The following SHANK2 variants were observed in gnomAD, a reference collection of about 807,000 sequenced individuals.
The protein encoded by SHANK2 is SH3 and multiple ankyrin repeat domains 2.
In SHANK2, 43 loss-of-function variants were observed where a neutral mutation model predicts 133.7. The observed-to-expected ratio is 0.32, with a 90% CI of 0.25 to 0.41. The LOEUF (loss-of-function observed/expected upper bound fraction) is 0.41, where lower values mean the gene tolerates loss of function less well. SHANK2 is among the 10% of genes least tolerant of loss of function. The probability of loss-of-function intolerance (pLI) is 1.00; values close to 1 mark genes in which losing one functional copy is unlikely to be tolerated. For missense variants in SHANK2, 1,994 were observed against 2,235.8 expected (o/e 0.89, Z 2.18); for synonymous variants, 1,017 against 952.8 (o/e 1.07, Z -1.24).
intron 14 of SHANK2, among the ~76,000 whole-genome samples, chr11:70,764,149 TC>T (rs1384210135): frequency 8.9e-6 from 1 of 112,404 alleles, no homozygotes; most frequent in Non-Finnish European, 1.7e-5. Flanking sequence ...ATCTCTTCCT[TC>T]CCCTCTCTCT....
In SHANK2 at chr11:70,876,289, C is replaced by T. The variant is rs546851208; in HGVS notation, c.1174+20212G>A. ...ACACACACACACACTTGGCTGGGTG[C>T]GGTGGCTCACGCCTGTAATCCCAGC... On this transcript the variant is annotated intron_variant, in intron 11 of 25. Coordinates refer to ENST00000601538, the MANE Select transcript of SHANK2 (RefSeq NM_012309.5). 1.3e-3 allele frequency among the ~76,000 whole-genome samples: 153 copies of T among 116,344 alleles called. 1 individual carries two copies. Among genetic ancestry groups the T allele is most frequent in the Admixed American group, 8.1e-3 (86 of 10,620 alleles). The allele number at this position is 116,344 out of a possible 152,430, so 76.3% of individuals were successfully genotyped here.
At chr11:71,223,579 G>A (rs1555121683) in intron 2 of SHANK2, among the ~76,000 whole-genome samples, 2 of 152,178 alleles carry the variant, frequency 1.3e-5, no homozygotes, top group Admixed American at 1.3e-4. Flanking sequence ...TGAAAATACT[G>A]CACCATATTA....
At chr11:70,810,457 A>G (rs1351673494) in intron 12 of SHANK2, among the ~76,000 whole-genome samples, 1 of 152,174 alleles carries the variant, frequency 6.6e-6, no homozygotes, top group African/African-American at 2.4e-5. Flanking sequence ...CGGGGAGGAG[A>G]ATCCCGGCAA....
chr11:70,482,892 T>TG (rs1211074310), intron 25 of SHANK2, among the ~76,000 whole-genome samples: 10 of 152,140 alleles, frequency 6.6e-5, no homozygotes, highest in African/African-American at 2.4e-4. Flanking sequence ...CGCTGCAAGT[T>TG]GGGGTCCCAC....
intron 11 of SHANK2, among the ~76,000 whole-genome samples, chr11:70,893,393 G>T (rs984723982): frequency 6.6e-6 from 1 of 152,226 alleles, no homozygotes; most frequent in Non-Finnish European, 1.5e-5. Context: ...GACCACAGGG[G>T]AGGGGGAGAA....
chr11:71,216,490 G>C (rs1954417101), intron 2 of SHANK2, among the ~76,000 whole-genome samples: 1 of 152,130 alleles, frequency 6.6e-6, no homozygotes, highest in Admixed American at 6.6e-5. Context: ...CAGGAGGAGG[G>C]AGTGACTTCT....
At chr11:70,571,462 ACTTTTT>A (rs1554983060) in intron 17 of SHANK2, 2 of 152,210 alleles carry the variant, frequency 1.3e-5, no homozygotes, top group East Asian at 3.9e-4. Flanking sequence ...CCATCGTGCT[ACTTTTT>A]CTTTGAAATA....
intron 10 of SHANK2, among the ~76,000 whole-genome samples, chr11:70,934,812 G>C (rs114093433): frequency 5.3e-5 from 8 of 152,300 alleles, no homozygotes; most frequent in African/African-American, 1.9e-4. Flanking sequence ...CAGTGTGGCC[G>C]TTCAAAGAGG....
intron 14 of SHANK2, among the ~76,000 whole-genome samples, chr11:70,796,191 G>A (rs1947907708): frequency 6.6e-6 from 1 of 152,164 alleles, no homozygotes; most frequent in Non-Finnish European, 1.5e-5. Context: ...CTCATCTAGG[G>A]CACACAGGGT....
At chr11:70,940,100 C>T (rs562839374) in intron 10 of SHANK2, among the ~76,000 whole-genome samples, 1 of 147,712 alleles carries the variant, frequency 6.8e-6, no homozygotes. Flanking sequence ...AGGAAGGCAG[C>T]CCCACCCACA....
At chr11:71,087,265 TCCATCCCAGGG>T (rs1366466009) in intron 8 of SHANK2, among the ~76,000 whole-genome samples, 1 of 152,030 alleles carries the variant, frequency 6.6e-6, no homozygotes, top group African/African-American at 2.4e-5. Flanking sequence ...CACCGTTACC[TCCATCCCAGGG>T]CCAGCTGGAG....
chr11:70,879,400 G>A (rs1250581056), intron 11 of SHANK2, among the ~76,000 whole-genome samples: 1 of 152,178 alleles, frequency 6.6e-6, no homozygotes, highest in African/African-American at 2.4e-5. Flanking sequence ...AAGGACTCTC[G>A]ATTCTCTGTC....
chr11:71,084,306 T>C (rs2136014892), intron 8 of SHANK2, among the ~76,000 whole-genome samples: 1 of 152,332 alleles, frequency 6.6e-6, no homozygotes, highest in Non-Finnish European at 1.5e-5. Flanking sequence ...GCAGACAGCC[T>C]GAGCTCAAAT....
At chr11:70,536,331 T>A (rs1291911845) in intron 17 of SHANK2, among the ~76,000 whole-genome samples, 1 of 152,176 alleles carries the variant, frequency 6.6e-6, no homozygotes, top group Non-Finnish European at 1.5e-5. Context: ...CAAGCTGAGA[T>A]GAGGCTTGGT....
intron 17 of SHANK2, among the ~76,000 whole-genome samples, chr11:70,523,402 C>A (rs1591533928): frequency 6.6e-6 from 1 of 152,360 alleles, no homozygotes; most frequent in East Asian, 1.9e-4. Context: ...GAGTTTGTGA[C>A]CTCAGAGCAG....
intron 14 of SHANK2, among the ~76,000 whole-genome samples, chr11:70,772,596 G>A (rs1457183626): frequency 1.3e-5 from 2 of 152,184 alleles, no homozygotes; most frequent in Non-Finnish European, 1.5e-5. Context: ...CCTACATGCA[G>A]CCAGTGATAG....
intron 11 of SHANK2, among the ~76,000 whole-genome samples, chr11:70,828,704 G>A (rs1555057703): frequency 6.6e-6 from 1 of 152,244 alleles, no homozygotes; most frequent in African/African-American, 2.4e-5. Context: ...GCGAGCGCTG[G>A]GAGGCTGAGA....
At chr11:70,540,522 C>A (rs929232060) in intron 17 of SHANK2, among the ~76,000 whole-genome samples, 1 of 150,944 alleles carries the variant, frequency 6.6e-6, no homozygotes, top group Non-Finnish European at 1.5e-5. Flanking sequence ...GACACACACA[C>A]GATACCCATG....
At chr11:70,511,684 T>C (rs1210224658) in intron 17 of SHANK2, among the ~76,000 whole-genome samples, 4 of 152,174 alleles carry the variant, frequency 2.6e-5, no homozygotes, top group African/African-American at 9.7e-5. Flanking sequence ...AAAAGAGTAA[T>C]GTGCCTGTCC....
Sources: allele counts gnomAD v4.1 joint callset (sites outside exome capture counted in the v4.1 genomes callset), GRCh38; gene constraint gnomAD v4.1.1; transcripts MANE v1.5; gene names NCBI Gene and HGNC (gene_info 2026-07-23, HGNC 2026-07-21).